Variants in C12orf54 observed in about 807,000 individuals in gnomAD.
C12orf54 encodes the protein chromosome 12 open reading frame 54.
Under a neutral mutation model 26.4 loss-of-function variants are expected in C12orf54, and 24 were observed. That is an observed-to-expected ratio of 0.91 (90% confidence interval 0.66 to 1.28). The LOEUF (loss-of-function observed/expected upper bound fraction) is 1.28. Ranked by LOEUF, C12orf54 falls within the 50% of genes most tolerant of loss-of-function variation. The pLI is 0.00. For missense variants in C12orf54, 154 were observed against 150.9 expected, an observed-to-expected ratio of 1.02 and a Z score of -0.11; for synonymous variants, 54 against 47.0, an observed-to-expected ratio of 1.15 and a Z score of -0.61.
chr12:48,493,517 G>A (rs11168601), intron 7 of C12orf54, among the ~76,000 whole-genome samples: 21,975 of 151,006 alleles, frequency 0.15, 2,811 homozygotes, highest in East Asian at 0.66. Flanking sequence ...CTACTCGGGA[G>A]GCTGAGGTGA....
At chr12:48,450,037 G>A in the C12orf54 span, among the ~76,000 whole-genome samples, 1 of 152,304 alleles carries the variant, frequency 6.6e-6, no homozygotes, top group East Asian at 1.9e-4. Flanking sequence ...CCCCATCTAT[G>A]TGGAACTGTA....
chr12:48,461,187 A>G, the C12orf54 span, among the ~76,000 whole-genome samples: 1 of 152,018 alleles, frequency 6.6e-6, no homozygotes, highest in Non-Finnish European at 1.5e-5. Flanking sequence ...AGGTCATCTC[A>G]TAATGATAAA....
chr12:48,483,466 G>T, intron 2 of C12orf54, 105 bp downstream of exon 2: 2 of 1,001,816 alleles, frequency 2.0e-6, no homozygotes, highest in Non-Finnish European at 3.0e-6. Context: ...GGCTTCACTT[G>T]CTTCCTGGCT....
chr12:48,466,879 G>A, the C12orf54 span, among the ~76,000 whole-genome samples: 1 of 152,036 alleles, frequency 6.6e-6, no homozygotes, highest in Non-Finnish European at 1.5e-5. Flanking sequence ...ATTTGTGAAT[G>A]GATGTTCATA....
chr12:48,444,903 T>C, the C12orf54 span, among the ~76,000 whole-genome samples: 93 of 152,334 alleles, frequency 6.1e-4, no homozygotes, highest in East Asian at 0.017. Flanking sequence ...CCGGGCGCAG[T>C]GGCTCACGCC....
the C12orf54 span, among the ~76,000 whole-genome samples, chr12:48,452,676 T>C: frequency 6.6e-6 from 1 of 152,016 alleles, no homozygotes; most frequent in South Asian, 2.1e-4. Context: ...AACAACTCCA[T>C]TAAAAAGTGG....
chr12:48,439,957 G>A, the C12orf54 span, among the ~76,000 whole-genome samples: 2 of 152,164 alleles, frequency 1.3e-5, no homozygotes, highest in African/African-American at 4.8e-5. Flanking sequence ...AGTCACGGTG[G>A]CTCATGCCTG....
chr12:48,467,848 G>A, the C12orf54 span, among the ~76,000 whole-genome samples: 2 of 152,030 alleles, frequency 1.3e-5, no homozygotes, highest in African/African-American at 2.4e-5. Flanking sequence ...TTAGTCTTTT[G>A]TTGGGGGGCC....
the C12orf54 span, among the ~76,000 whole-genome samples, chr12:48,441,080 A>C: frequency 6.6e-6 from 1 of 152,196 alleles, no homozygotes; most frequent in Non-Finnish European, 1.5e-5. Context: ...GGAATAACTT[A>C]AGCATTTATC....
the C12orf54 span, among the ~76,000 whole-genome samples, chr12:48,439,223 G>T: frequency 6.6e-6 from 1 of 152,138 alleles, no homozygotes; most frequent in Non-Finnish European, 1.5e-5. Flanking sequence ...AGTTAGAATG[G>T]CAATCATTAA....
chr12:48,455,345 T>A, the C12orf54 span, among the ~76,000 whole-genome samples: 1 of 152,230 alleles, frequency 6.6e-6, no homozygotes, highest in Non-Finnish European at 1.5e-5. Context: ...TCCAGTCCAC[T>A]GTTAATGGGC....
intron 3 of C12orf54, 73 bp downstream of exon 3, chr12:48,486,281 T>G: frequency 7.4e-5 from 109 of 1,479,816 alleles, no homozygotes; most frequent in Non-Finnish European, 8.9e-5. Flanking sequence ...GAGAAGAGGT[T>G]GTAGACAGGA....
At chr12:48,478,543 A>G (rs1954167411), upstream of C12orf54, among the ~76,000 whole-genome samples, 1 of 152,228 alleles carries the variant, frequency 6.6e-6, no homozygotes, top group Admixed American at 6.5e-5. Context: ...AAGCAACTTC[A>G]GCAAAGTCTC....
the C12orf54 span, among the ~76,000 whole-genome samples, chr12:48,463,611 T>TAA: frequency 2.7e-4 from 38 of 138,896 alleles, no homozygotes; most frequent in African/African-American, 9.7e-4. Context: ...GGACACAGTA[T>TAA]AAAAAAAAAA....
the C12orf54 span, among the ~76,000 whole-genome samples, chr12:48,460,030 C>T: frequency 2.0e-5 from 3 of 152,118 alleles, no homozygotes; most frequent in Non-Finnish European, 4.4e-5. Flanking sequence ...TACAGGATGG[C>T]CTAAAGCCTC....
chr12:48,415,669 G>T, the C12orf54 span, among the ~76,000 whole-genome samples: 210 of 152,020 alleles, frequency 1.4e-3, no homozygotes, highest in African/African-American at 4.7e-3. Flanking sequence ...TCCAGGATTT[G>T]TTTTCCTTAG....
At chr12:48,443,354 G>A in the C12orf54 span, among the ~76,000 whole-genome samples, 1 of 152,192 alleles carries the variant, frequency 6.6e-6, no homozygotes, top group African/African-American at 2.4e-5. Flanking sequence ...CATGGCTTTA[G>A]GTGGGAGCAT....
the C12orf54 span, among the ~76,000 whole-genome samples, chr12:48,434,651 G>C: frequency 1.3e-5 from 2 of 152,192 alleles, no homozygotes; most frequent in South Asian, 2.1e-4. Flanking sequence ...CAGGCAAACA[G>C]GGTCTGGAGT....
the C12orf54 span, among the ~76,000 whole-genome samples, chr12:48,438,326 G>T: frequency 6.6e-6 from 1 of 152,270 alleles, no homozygotes; most frequent in East Asian, 1.9e-4. Context: ...TGGCCATACG[G>T]CCCAAGATAA....
Sources: allele counts gnomAD v4.1 joint callset (sites outside exome capture counted in the v4.1 genomes callset), GRCh38; gene constraint gnomAD v4.1.1; transcripts MANE v1.5; gene names NCBI Gene and HGNC (gene_info 2026-07-23, HGNC 2026-07-21).